Variants in CEP44 observed in about 807,000 individuals in gnomAD.
CEP44 encodes the protein centrosomal protein 44.
CEP44 carries 45 observed loss-of-function variants against 46.7 expected under a neutral mutation model. That is an observed-to-expected ratio of 0.96 (90% CI 0.76 to 1.24). The LOEUF (loss-of-function observed/expected upper bound fraction) is 1.24, where lower values mean the gene tolerates loss of function less well. Ranked by LOEUF, CEP44 falls within the 50% of genes most tolerant of loss-of-function variation. The pLI, the probability that CEP44 is intolerant of heterozygous loss-of-function variation, is 0.00. For missense variants in CEP44, 475 were observed against 459.7 expected, an observed-to-expected ratio of 1.03 and a Z score of -0.30; for synonymous variants, 142 against 146.0, an observed-to-expected ratio of 0.97 and a Z score of 0.20.
At chr4:174,302,273 C>A in intron 4 of CEP44, 87 bp downstream of exon 4, 1 of 772,994 alleles carries the variant, frequency 1.3e-6, no homozygotes, top group South Asian at 1.7e-5. Context: ...TAAATATATG[C>A]AGCATATACA....
In CEP44 at chr4:174,330,810, A is replaced by C. The variant is rs191766795; in HGVS notation, c.1087-672A>C. Among the ~76,000 whole-genome samples, 18 of 152,310 alleles carry C rather than the reference A, an allele frequency of 1.2e-4. No individual in the cohort carries two copies. In the East Asian group the frequency reaches 3.5e-3, roughly 29 times the overall value. On this transcript the variant is annotated intron_variant, in intron 8 of 8. Coordinates refer to the CEP44 transcript ENST00000426172. ...TCTTTGATCAAGGGAGCTAGAGGCA[A>C]CTCATAATCTAATAGTCAGGGGTTC... is the stretch of plus-strand genomic sequence containing the variant.
chr4:174,326,178 T>G lies in CEP44; in HGVS notation c.1087-5304T>G, dbSNP rs898162147. Among the ~76,000 whole-genome samples, 24 of 151,912 alleles carry G rather than the reference T, an allele frequency of 1.6e-4. No individual in the cohort carries two copies. Among genetic ancestry groups the G allele is most frequent in the Non-Finnish European group, 3.4e-4 (23 of 67,926 alleles). On this transcript the variant is annotated intron_variant, in intron 8 of 8. Transcript: ENST00000426172. The surrounding 1 kb of genome is among the most constrained non-coding windows in gnomAD (Gnocchi z 4.8). Reference sequence around the variant, plus strand: ...TTATTTTTCACTGGATATTTTTTAATGTTTTTTATTTTTTTCTTGGCTTAT... The same window carrying G: ...TTATTTTTCACTGGATATTTTTTAAGGTTTTTTATTTTTTTCTTGGCTTAT...
chr4:174,311,811 T>G lies in CEP44; in HGVS notation c.961+953T>G, dbSNP rs1024512739. Among the ~76,000 whole-genome samples the G allele has an allele frequency of 1.3e-5, 2 of 152,200 alleles. No individual in the cohort carries two copies. The highest frequency in any genetic ancestry group is 2.9e-5 in the Non-Finnish European group (2 of 68,020). Reference sequence around the variant, plus strand: ...TCCAGGCAACTGATCTGAAGTTTTTTCTTGACTGCTGCATATTTGGAGCAC... The same window carrying G: ...TCCAGGCAACTGATCTGAAGTTTTTGCTTGACTGCTGCATATTTGGAGCAC... On this transcript the variant is annotated intron_variant, in intron 9 of 11. Transcript: ENST00000503780. The surrounding 1 kb of genome is among the most constrained non-coding windows in gnomAD (Gnocchi z 4.4).
chr4:174,316,058 C>G, intron 9 of CEP44, 108 bp from the exon 10 acceptor site: 1 of 1,338,068 alleles, frequency 7.5e-7, no homozygotes. Flanking sequence ...TGCGGATAGC[C>G]ATTTTTAATT....
In CEP44 at chr4:174,312,945, T is replaced by C. The variant is rs959788568; in HGVS notation, c.961+2087T>C. Among the ~76,000 whole-genome samples, 1 of 152,172 alleles carries C rather than the reference T, an allele frequency of 6.6e-6. No homozygotes were observed. The highest frequency in any genetic ancestry group is 6.5e-5 in the Admixed American group (1 of 15,274). ...CATGGGGAATTGTAAGGCACCTTAA[T>C]GTCTTGGTAAGAGTGAATTAGCAGA... On this transcript the variant is annotated intron_variant, in intron 9 of 11. Transcript: ENST00000503780. This position sits in a 1 kb window ranked among gnomAD's most constrained non-coding sequence, Gnocchi z 4.5.
In CEP44 at chr4:174,326,307, C is replaced by T. The variant is rs183790954; in HGVS notation, c.1087-5175C>T. Among the ~76,000 whole-genome samples, 1 of 151,160 alleles carries T rather than the reference C, an allele frequency of 6.6e-6. No individual in the cohort carries two copies. Among genetic ancestry groups the T allele is most frequent in the African/African-American group, 2.4e-5 (1 of 40,878 alleles). ...TATTTAACTTACTATAAGCTACTGT[C>T]AAATATTATACTACTCATTTTTCAG... On this transcript the variant is annotated intron_variant, in intron 8 of 8. Coordinates refer to the CEP44 transcript ENST00000426172. This position sits in a 1 kb window ranked among gnomAD's most constrained non-coding sequence, Gnocchi z 4.8.
chr4:174,285,067 G>T (rs1018748165), intron 1 of CEP44, among the ~76,000 whole-genome samples: 1 of 152,170 alleles, frequency 6.6e-6, no homozygotes, highest in Non-Finnish European at 1.5e-5. Context: ...GTTCAATTGC[G>T]CAGATCTGAC....
At position 174,331,421 on chromosome 4, in the gene CEP44, A is replaced by G. The variant is rs1016706914; in HGVS notation, c.1087-61A>G. 6.6e-7 allele frequency: 1 copy of G among 1,526,018 alleles called. No homozygotes were observed. Among genetic ancestry groups the G allele is most frequent in the Non-Finnish European group, 8.8e-7 (1 of 1,130,422 alleles). The allele number at this position is 1,526,018 out of a possible 1,614,324, so 94.5% of individuals were successfully genotyped here. ...TCTGACACTGCTCTAATTCCTATCT[A>G]CCCATTCTGCCAATGCATTTAGATC... On this transcript the variant is annotated intron_variant, in intron 8 of 8. Transcript: ENST00000426172. This position sits in a 1 kb window ranked among gnomAD's most constrained non-coding sequence, Gnocchi z 4.5.
chr4:174,315,351 G>A (rs2126659833), intron 9 of CEP44, among the ~76,000 whole-genome samples: 1 of 151,886 alleles, frequency 6.6e-6, no homozygotes, highest in South Asian at 2.1e-4. Context: ...TAGGGGAGAT[G>A]CCATCATTTT....
At chr4:174,295,950 T>C (rs1031212424) in intron 1 of CEP44, among the ~76,000 whole-genome samples, 1 of 152,348 alleles carries the variant, frequency 6.6e-6, no homozygotes. Flanking sequence ...CCGTTGATAA[T>C]ACATGATTTG....
At position 174,319,553 on chromosome 4, in the gene CEP44, T is replaced by TA. The variant is rs1742105501; in HGVS notation, c.*2171dup. 1.2e-6 allele frequency: 1 copy of TA among 829,248 alleles called. No homozygotes were observed. The allele number at this position is 829,248 out of a possible 1,614,324, so 51.4% of individuals were successfully genotyped here. A position where few individuals can be genotyped will look rare whatever the true frequency, so the allele number is the denominator to read the frequency against. On this transcript the variant is annotated 3_prime_UTR_variant, in exon 12 of 12. Coordinates refer to ENST00000503780, the MANE Select transcript of CEP44 (RefSeq NM_001040157.3). ...TCTTTTTTTCTTTATATAGTGCAGA[T>TA]ATACACACAGAGAAGGGACTTAAAA...
At position 174,309,957 on chromosome 4, in the gene CEP44, A is replaced by G. The variant is rs367613908; in HGVS notation, c.786A>G (p.Glu262=). The change falls in exon 8 of 12, where the codon GAA becomes GAG. Residue 262 remains glutamate (E), a synonymous_variant. Transcript: ENST00000503780. The surrounding 1 kb of genome is among the most constrained non-coding windows in gnomAD (Gnocchi z 5.3). ...TAGAGAAAAGGTTAGACTGTTTGGA[A>G]CAAAAAATGAAAGGAAAAGTGATGG... is the stretch of plus-strand genomic sequence containing the variant. ...TSIEKRLDCL[E]QKMKGKVMVD... 2.5e-6 allele frequency: 4 copies of G among 1,612,770 alleles called. No homozygotes were observed. The African/African-American group carries it at 4.0e-5, about 16-fold the overall frequency.
chr4:174,296,767 T>C (rs1253383934), intron 1 of CEP44, among the ~76,000 whole-genome samples: 1 of 148,822 alleles, frequency 6.7e-6, no homozygotes, highest in Non-Finnish European at 1.5e-5. Context: ...TTACTGATTT[T>C]TTTTTTTTTT....
chr4:174,294,970 C>T (rs1199341448), intron 1 of CEP44, among the ~76,000 whole-genome samples: 2 of 133,850 alleles, frequency 1.5e-5, no homozygotes, highest in African/African-American at 6.1e-5. Context: ...GACGGCTGGC[C>T]GGGTGGGGGG....
rs1463115366 is a variant in CEP44 at position 174,310,506 on chromosome 4, T to G, written c.886-277T>G. The stretch of plus-strand genomic sequence containing the variant: ...AGTTACCAGATTTACCATTGCCTTA[T>G]CAAATCTGAGAAATTTGTTTTTTTT... On this transcript the variant is annotated intron_variant, in intron 8 of 11. Coordinates refer to ENST00000503780, the MANE Select transcript of CEP44 (RefSeq NM_001040157.3). The surrounding 1 kb of genome is among the most constrained non-coding windows in gnomAD (Gnocchi z 4.2). 6.6e-6 allele frequency among the ~76,000 whole-genome samples: 1 copy of G among 151,946 alleles called. No individual in the cohort carries two copies. Among genetic ancestry groups the G allele is most frequent in the Non-Finnish European group, 1.5e-5 (1 of 67,880 alleles).
intron 1 of CEP44, among the ~76,000 whole-genome samples, chr4:174,294,847 C>CA (rs1738718211): frequency 7.6e-6 from 1 of 130,756 alleles, no homozygotes; most frequent in Non-Finnish European, 1.7e-5. Context: ...GCTGGCCGGG[C>CA]GGGGGGCTGA....
At chr4:174,304,702 G>C (rs1257412716) in intron 6 of CEP44, among the ~76,000 whole-genome samples, 1 of 152,132 alleles carries the variant, frequency 6.6e-6, no homozygotes, top group African/African-American at 2.4e-5. Flanking sequence ...TAAAACATGG[G>C]AACATATGAA....
chr4:174,296,458 T>C (rs947766501), intron 1 of CEP44, among the ~76,000 whole-genome samples: 4 of 152,244 alleles, frequency 2.6e-5, no homozygotes, highest in Non-Finnish European at 2.9e-5. Context: ...CTTTTGTGTC[T>C]TTTCATCCAT....
At position 174,310,489 on chromosome 4, in the gene CEP44, G is replaced by T. The variant is rs528472086; in HGVS notation, c.886-294G>T. Among the ~76,000 whole-genome samples, 1 of 151,712 alleles carries T rather than the reference G, an allele frequency of 6.6e-6. No individual in the cohort carries two copies. Among genetic ancestry groups the T allele is most frequent in the South Asian group, 2.1e-4 (1 of 4,818 alleles). ...TGTGAATTTCATAGAATAGTTACCA[G>T]ATTTACCATTGCCTTATCAAATCTG... On this transcript the variant is annotated intron_variant, in intron 8 of 11. Coordinates refer to ENST00000503780, the MANE Select transcript of CEP44 (RefSeq NM_001040157.3). The surrounding 1 kb of genome is among the most constrained non-coding windows in gnomAD (Gnocchi z 4.2).
Sources: gnomAD v4.1 joint callset for allele counts (sites outside exome capture counted in the v4.1 genomes callset) on GRCh38, gnomAD v4.1.1 for gene constraint, Gnocchi (gnomAD v3.1) non-coding constraint, MANE v1.5 for transcripts, NCBI Gene and HGNC (gene_info 2026-07-23, HGNC 2026-07-21) for gene names.